Variants in DLG2 observed in about 807,000 individuals in gnomAD.
DLG2 encodes the protein discs large MAGUK scaffold protein 2.
A neutral mutation model predicts 132.5 loss-of-function variants in DLG2; 45 were observed. The observed-to-expected ratio is 0.34, with a 90% CI of 0.27 to 0.44. The LOEUF is 0.44. Ranked by LOEUF, DLG2 falls within the 20% of genes least tolerant of loss-of-function variation. DLG2 has a pLI of 1.00. For synonymous variants in DLG2, 424 were observed against 419.6 expected (o/e 1.01, Z -0.13); for missense variants, 1,045 against 1,196.9 (o/e 0.87, Z 1.87).
At chr11:84,377,349 C>T (rs1567462262) in intron 7 of DLG2, among the ~76,000 whole-genome samples, 1 of 151,682 alleles carries the variant, frequency 6.6e-6, no homozygotes, top group African/African-American at 2.4e-5. Flanking sequence ...AAGAAAGCAC[C>T]ACCACCATGA....
intron 17 of DLG2, among the ~76,000 whole-genome samples, chr11:83,826,020 G>A (rs371956129): frequency 2.2e-4 from 33 of 152,302 alleles, no homozygotes; most frequent in African/African-American, 7.5e-4. Context: ...CAGGCAGGCA[G>A]GGGCCAGACT....
intron 6 of DLG2, chr11:84,640,580 C>A: frequency 3.9e-6 from 1 of 259,422 alleles, no homozygotes; most frequent in South Asian, 4.4e-5. Context: ...TAAGAGTTGC[C>A]CAGCTACAGA....
chr11:85,175,032 A>G (rs1347406079), intron 4 of DLG2, among the ~76,000 whole-genome samples: 1 of 152,196 alleles, frequency 6.6e-6, no homozygotes, highest in Non-Finnish European at 1.5e-5. Context: ...GAATTCTACC[A>G]GAGGTACAAA....
At chr11:83,523,997 G>A (rs1470651452) in intron 21 of DLG2, among the ~76,000 whole-genome samples, 2 of 152,116 alleles carry the variant, frequency 1.3e-5, no homozygotes, top group Non-Finnish European at 2.9e-5. Context: ...TTCTTCCTCT[G>A]TGCAAAAGGA....
At chr11:85,529,360 T>A in intron 3 of DLG2, among the ~76,000 whole-genome samples, 1 of 152,200 alleles carries the variant, frequency 6.6e-6, no homozygotes, top group East Asian at 1.9e-4. Context: ...GCTGCACCAT[T>A]ATCCAGCCAA....
intron 2 of DLG2, among the ~76,000 whole-genome samples, chr11:85,605,064 A>G (rs552013): frequency 0.4 from 60,527 of 152,076 alleles, 12,221 homozygotes; most frequent in South Asian, 0.45. Flanking sequence ...ATTTTGGAAA[A>G]TAAAGCATTT....
intron 18 of DLG2, among the ~76,000 whole-genome samples, chr11:83,778,418 T>G (rs1408041249): frequency 2.0e-5 from 3 of 152,146 alleles, no homozygotes; most frequent in African/African-American, 7.2e-5. Flanking sequence ...GAGTGACTGA[T>G]TTATGTCACT....
At chr11:84,631,824 T>A (rs77257244) in intron 6 of DLG2, among the ~76,000 whole-genome samples, 1 of 152,214 alleles carries the variant, frequency 6.6e-6, no homozygotes, top group African/African-American at 2.4e-5. Flanking sequence ...GAGACAGACC[T>A]AGGCACAAAT....
chr11:83,551,140 G>C (rs553390426), intron 19 of DLG2, among the ~76,000 whole-genome samples: 1 of 152,120 alleles, frequency 6.6e-6, no homozygotes, highest in Non-Finnish European at 1.5e-5. Flanking sequence ...TATGAAAAAT[G>C]AGGGGCAAGA....
intron 19 of DLG2, among the ~76,000 whole-genome samples, chr11:83,583,910 C>T (rs904925432): frequency 6.6e-5 from 10 of 152,032 alleles, no homozygotes; most frequent in African/African-American, 2.2e-4. Flanking sequence ...TTAATCTAGC[C>T]CAAGAATGAC....
chr11:85,333,053 T>G (rs1205848477), intron 3 of DLG2, among the ~76,000 whole-genome samples: 1 of 152,244 alleles, frequency 6.6e-6, no homozygotes. Context: ...ATGGCCATTT[T>G]AACAATATTG....
At position 83,833,617 on chromosome 11, in the gene DLG2, T is replaced by C. The variant is rs777977531; in HGVS notation, c.1719A>G (p.Leu573=). The change falls in exon 17 of 28, where the codon CTA becomes CTG. Residue 573 remains leucine, a synonymous_variant. Coordinates refer to ENST00000376104, the MANE Select transcript of DLG2 (RefSeq NM_001142699.3). ...SGELQRGDQI[L]SVNGIDLRGA... ...AAGATTAAAGAAACATACTCACCGA[T>C]AGGATCTGGTCTCCTCTCTGGAGCT... is the stretch of plus-strand genomic sequence containing the variant. 7.4e-6 allele frequency: 12 copies of C among 1,612,442 alleles called. No homozygotes were observed. In the African/African-American group the frequency reaches 1.5e-4, roughly 20 times the overall value.
rs1440148080 is a variant in DLG2 at position 84,010,346 on chromosome 11, G to A, written c.920-29704C>T. Among the ~76,000 whole-genome samples, 29 of 151,658 alleles carry A rather than the reference G, an allele frequency of 1.9e-4. 1 individual carries two copies. Among genetic ancestry groups the A allele is most frequent in the Admixed American group, 1.8e-3 (28 of 15,200 alleles). On this transcript the variant is annotated intron_variant, in intron 11 of 27. Coordinates refer to ENST00000376104, the MANE Select transcript of DLG2 (RefSeq NM_001142699.3). Reference sequence around the variant, plus strand: ...TGAGACCGGATCTAACTGCTGGAGTGCAGTGGCACAATCATAGCTCCCTGT... The same window carrying A: ...TGAGACCGGATCTAACTGCTGGAGTACAGTGGCACAATCATAGCTCCCTGT...
intron 4 of DLG2, among the ~76,000 whole-genome samples, chr11:85,207,098 T>C (rs987017783): frequency 6.6e-6 from 1 of 152,164 alleles, no homozygotes; most frequent in African/African-American, 2.4e-5. Flanking sequence ...CAATATAGTA[T>C]ATAGTAATTA....
chr11:84,831,399 C>T (rs2079041149), intron 6 of DLG2, among the ~76,000 whole-genome samples: 1 of 151,520 alleles, frequency 6.6e-6, no homozygotes, highest in Non-Finnish European at 1.5e-5. Context: ...ATTAGATTTT[C>T]TCAAAAATAA....
At chr11:84,875,957 C>T (rs774478417) in intron 6 of DLG2, among the ~76,000 whole-genome samples, 5 of 152,102 alleles carry the variant, frequency 3.3e-5, no homozygotes, top group African/African-American at 7.2e-5. Context: ...AGGCTGGTCT[C>T]GAATGCCTGA....
At chr11:84,901,705 T>A (rs61563882) in intron 6 of DLG2, among the ~76,000 whole-genome samples, 4,158 of 152,198 alleles carry the variant, frequency 0.027, 175 homozygotes, top group African/African-American at 0.094. Context: ...ATTTGATTTA[T>A]ACAGCAGACC....
intron 3 of DLG2, among the ~76,000 whole-genome samples, chr11:85,431,218 G>C (rs991122362): frequency 8.5e-5 from 13 of 152,256 alleles, no homozygotes; most frequent in Non-Finnish European, 1.2e-4. Flanking sequence ...AGGTATCCAT[G>C]TTCTGTCATT....
chr11:85,099,711 T>C (rs2070536912), intron 6 of DLG2, among the ~76,000 whole-genome samples: 1 of 152,174 alleles, frequency 6.6e-6, no homozygotes, highest in South Asian at 2.1e-4. Flanking sequence ...CTGTAGCTGG[T>C]CTATAAATAG....
Sources: allele counts gnomAD v4.1 joint callset (sites outside exome capture counted in the v4.1 genomes callset), GRCh38; gene constraint gnomAD v4.1.1; transcripts MANE v1.5; gene names NCBI Gene and HGNC (gene_info 2026-07-23, HGNC 2026-07-21).